ZNF804B: variants seen among roughly 807,000 people sequenced by gnomAD.
ZNF804B encodes zinc finger protein 804B, also known as zinc finger 804B.
A neutral mutation model predicts 101.4 loss-of-function variants in ZNF804B; 80 were observed. That is an observed-to-expected ratio of 0.79 (90% CI 0.66 to 0.95). The LOEUF is 0.95. Among genes scored for constraint, ZNF804B ranks in the 40% least tolerant of loss-of-function variants. The pLI is 0.00. For synonymous variants in ZNF804B, 622 were observed against 558.8 expected (o/e 1.11, Z -1.59); for missense variants, 1,673 against 1,561.9 (o/e 1.07, Z -1.20).
intron 1 of ZNF804B, among the ~76,000 whole-genome samples, chr7:88,764,049 T>C (rs977050537): frequency 7.9e-5 from 12 of 152,194 alleles, no homozygotes; most frequent in Non-Finnish European, 1.8e-4. Flanking sequence ...CTAAGTTCTA[T>C]CACCATGTTT....
At position 89,336,931 on chromosome 7, in the gene ZNF804B, G is replaced by T; in HGVS notation, c.3949G>T (p.Val1317Leu). The T allele has an allele frequency of 6.2e-7, 1 of 1,613,998 alleles. No individual in the cohort carries two copies. Among genetic ancestry groups the T allele is most frequent in the Non-Finnish European group, 8.5e-7 (1 of 1,179,984 alleles). ...CCACTTGAATCCTTTAATCCAACCA[G>T]TATTCCAAGGTCAAGATTTTTGCCA... is the stretch of plus-strand genomic sequence containing the variant. ...IIHLNPLIQP[V>L]FQGQDFCHHS... is the part of the protein sequence containing the mutation. The change falls in exon 4 of 4, where the codon GTA (valine) becomes TTA (leucine). Residue 1317 changes from valine (V) to leucine (L), a missense_variant. Transcript: ENST00000333190.
rs1208876 is a variant in ZNF804B, at chr7:89,282,324, A to C, written c.250-45020A>C. Among the ~76,000 whole-genome samples the C allele has an allele frequency of 2.0e-5, 3 of 151,984 alleles. No homozygotes were observed. The South Asian group carries it at 6.2e-4, about 32-fold the overall frequency. On this transcript the variant is annotated intron_variant, in intron 2 of 3. Coordinates refer to ENST00000333190, the MANE Select transcript of ZNF804B (RefSeq NM_181646.5). ...TGACTATGAAATGACACATGTGCCT[A>C]TGGTATTGCAAATATCATCAACACA...
At chr7:89,034,245 G>A (rs1458469678) in intron 1 of ZNF804B, among the ~76,000 whole-genome samples, 1 of 152,042 alleles carries the variant, frequency 6.6e-6, no homozygotes, top group Admixed American at 6.6e-5. Context: ...GACTTTTTTT[G>A]AAGTTTTACA....
At chr7:89,208,678 T>C (rs1788755589) in intron 1 of ZNF804B, among the ~76,000 whole-genome samples, 1 of 152,148 alleles carries the variant, frequency 6.6e-6, no homozygotes, top group Non-Finnish European at 1.5e-5. Context: ...CCAACGTTGA[T>C]AACTGTGGTC....
At chr7:89,095,142 G>T (rs1429311106) in intron 1 of ZNF804B, among the ~76,000 whole-genome samples, 2 of 152,124 alleles carry the variant, frequency 1.3e-5, no homozygotes, top group Non-Finnish European at 2.9e-5. Context: ...ATAGAAGCAT[G>T]AGCCCTCCAC....
chr7:89,225,460 G>C (rs1388926742), intron 2 of ZNF804B, among the ~76,000 whole-genome samples: 2 of 152,054 alleles, frequency 1.3e-5, no homozygotes, highest in African/African-American at 4.8e-5. Context: ...GGAAGGGCAT[G>C]GTTCTATTAG....
intron 1 of ZNF804B, among the ~76,000 whole-genome samples, chr7:88,819,838 T>C (rs10952932): frequency 0.43 from 66,064 of 151,904 alleles, 15,183 homozygotes; most frequent in East Asian, 0.81. Context: ...CTGCTTGAAA[T>C]CCTGGCATTT....
chr7:89,092,408 GTTTTTTTTTTT>G (rs71120056), intron 1 of ZNF804B, among the ~76,000 whole-genome samples: 7 of 93,840 alleles, frequency 7.5e-5, no homozygotes, highest in East Asian at 7.3e-4. Context: ...TTTCTTTTCT[GTTTTTTTTTTT>G]TTTTTTTTTT....
chr7:89,018,666 G>C (rs1486934026), intron 1 of ZNF804B, among the ~76,000 whole-genome samples: 1 of 151,864 alleles, frequency 6.6e-6, no homozygotes, highest in Non-Finnish European at 1.5e-5. Context: ...TTTTGTTATT[G>C]ACTCAGTCTT....
chr7:89,242,656 C>T (rs147240213), intron 2 of ZNF804B, among the ~76,000 whole-genome samples: 1 of 151,570 alleles, frequency 6.6e-6, no homozygotes, highest in East Asian at 1.9e-4. Flanking sequence ...TAAAATAATA[C>T]AGTATTAGGA....
At chr7:88,892,057 A>G (rs937928111) in intron 1 of ZNF804B, among the ~76,000 whole-genome samples, 5 of 152,158 alleles carry the variant, frequency 3.3e-5, no homozygotes, top group Admixed American at 6.6e-5. Context: ...CTTCTAAACC[A>G]AAGATCCTTA....
chr7:89,194,901 G>A (rs912420766), intron 1 of ZNF804B, among the ~76,000 whole-genome samples: 6 of 152,090 alleles, frequency 3.9e-5, no homozygotes, highest in African/African-American at 1.4e-4. Context: ...AATTACCTTG[G>A]GCAGTATGGC....
At chr7:89,092,671 A>G (rs1437165871) in intron 1 of ZNF804B, among the ~76,000 whole-genome samples, 1 of 152,060 alleles carries the variant, frequency 6.6e-6, no homozygotes, top group Non-Finnish European at 1.5e-5. Flanking sequence ...TTGGCCTCCC[A>G]AAGTGCGTTG....
At chr7:89,114,400 C>A (rs1405615963) in intron 1 of ZNF804B, among the ~76,000 whole-genome samples, 1 of 152,134 alleles carries the variant, frequency 6.6e-6, no homozygotes, top group Admixed American at 6.5e-5. Context: ...AGCAATTCAC[C>A]AGGCTCTTTG....
At chr7:88,968,372 AT>A (rs1190018165) in intron 1 of ZNF804B, among the ~76,000 whole-genome samples, 2 of 151,556 alleles carry the variant, frequency 1.3e-5, no homozygotes, top group Non-Finnish European at 3.0e-5. Context: ...TGATTGTATC[AT>A]TTTTGCTCTT....
intron 1 of ZNF804B, among the ~76,000 whole-genome samples, chr7:88,785,317 A>G (rs1301821855): frequency 6.6e-6 from 1 of 151,944 alleles, no homozygotes; most frequent in Non-Finnish European, 1.5e-5. Flanking sequence ...ATACCAAGGT[A>G]TTGGACACGT....
chr7:89,332,517 C>G (rs1791001978), intron 3 of ZNF804B, among the ~76,000 whole-genome samples: 1 of 151,724 alleles, frequency 6.6e-6, no homozygotes, highest in Admixed American at 6.6e-5. Flanking sequence ...TGTCTTCTTT[C>G]CAGTGAAGCC....
intron 1 of ZNF804B, among the ~76,000 whole-genome samples, chr7:88,929,205 T>C (rs772326029): frequency 2.6e-5 from 4 of 151,922 alleles, no homozygotes; most frequent in Non-Finnish European, 5.9e-5. Flanking sequence ...CCAAGCCTCC[T>C]AATTAGTATT....
chr7:88,950,445 T>C (rs923344691), intron 1 of ZNF804B, among the ~76,000 whole-genome samples: 7 of 150,654 alleles, frequency 4.6e-5, no homozygotes, highest in African/African-American at 1.7e-4. Flanking sequence ...CATTCTTGCA[T>C]TGAGAGATAA....
Sources: allele counts gnomAD v4.1 joint callset (sites outside exome capture counted in the v4.1 genomes callset), GRCh38; gene constraint gnomAD v4.1.1; transcripts MANE v1.5; gene names NCBI Gene and HGNC (gene_info 2026-07-23, HGNC 2026-07-21).